INPP4B: variants seen among roughly 807,000 people sequenced by gnomAD.
INPP4B encodes the protein inositol polyphosphate-4-phosphatase type II B.
INPP4B carries 55 observed loss-of-function variants against 122.5 expected under a neutral mutation model. The observed-to-expected ratio is 0.45, with a 90% CI of 0.36 to 0.56. The LOEUF (loss-of-function observed/expected upper bound fraction) is 0.56, where lower values mean the gene tolerates loss of function less well. Ranked by LOEUF, INPP4B falls within the 20% of genes least tolerant of loss-of-function variation. The pLI, the probability that INPP4B is intolerant of heterozygous loss-of-function variation, is 0.00. For synonymous variants in INPP4B, 403 were observed against 388.7 expected (o/e 1.04, Z -0.43); for missense variants, 1,000 against 1,097.7 (o/e 0.91, Z 1.26).
intron 5 of INPP4B, among the ~76,000 whole-genome samples, chr4:142,413,983 G>A (rs1361862569): frequency 1.3e-5 from 2 of 152,084 alleles, no homozygotes; most frequent in African/African-American, 4.8e-5. Flanking sequence ...GAAAACAGAT[G>A]ACGGAGTTAT....
intron 8 of INPP4B, among the ~76,000 whole-genome samples, chr4:142,311,244 T>C (rs1765410098): frequency 1.3e-5 from 2 of 152,112 alleles, no homozygotes; most frequent in South Asian, 4.1e-4. Context: ...TGTGTTAACT[T>C]CTCTCTCCAA....
chr4:142,270,191 C>A (rs1386797395), intron 10 of INPP4B, among the ~76,000 whole-genome samples: 2 of 152,138 alleles, frequency 1.3e-5, no homozygotes, highest in Non-Finnish European at 2.9e-5. Flanking sequence ...CTTCTCTCTC[C>A]TCAATCTCAT....
At chr4:142,157,050 A>G (rs571722069) in intron 17 of INPP4B, among the ~76,000 whole-genome samples, 3 of 152,290 alleles carry the variant, frequency 2.0e-5, no homozygotes, top group Non-Finnish European at 4.4e-5. Context: ...AATTGAATTA[A>G]TTTAAAATGC....
At chr4:142,237,532 G>A (rs550407453) in intron 12 of INPP4B, among the ~76,000 whole-genome samples, 2 of 152,136 alleles carry the variant, frequency 1.3e-5, no homozygotes, top group African/African-American at 4.8e-5. Context: ...AAGACCTGGT[G>A]TGTATCTTAC....
chr4:142,095,171 GTT>G (rs1039319322), intron 23 of INPP4B, among the ~76,000 whole-genome samples: 34 of 152,114 alleles, frequency 2.2e-4, no homozygotes, highest in African/African-American at 8.0e-4. Flanking sequence ...TCTAAGGAGA[GTT>G]TCACTCTATC....
intron 3 of INPP4B, among the ~76,000 whole-genome samples, chr4:142,448,330 A>C (rs1048280868): frequency 4.8e-5 from 3 of 61,962 alleles, no homozygotes; most frequent in Non-Finnish European, 1.1e-4. Flanking sequence ...ATCCATCTCC[A>C]AAAAAAAAAA....
At chr4:142,401,601 C>A (rs1181951661) in intron 7 of INPP4B, among the ~76,000 whole-genome samples, 1 of 152,094 alleles carries the variant, frequency 6.6e-6, no homozygotes, top group African/African-American at 2.4e-5. Flanking sequence ...ACAATAACAG[C>A]AATAATAGCA....
intron 25 of INPP4B, among the ~76,000 whole-genome samples, chr4:142,076,223 T>G (rs1204013933): frequency 6.6e-6 from 1 of 152,012 alleles, no homozygotes; most frequent in East Asian, 1.9e-4. Flanking sequence ...TTGTCAGGCA[T>G]GAATATAAGA....
At chr4:142,189,827 C>T (rs1349857587) in intron 15 of INPP4B, among the ~76,000 whole-genome samples, 1 of 152,054 alleles carries the variant, frequency 6.6e-6, no homozygotes, top group East Asian at 1.9e-4. Flanking sequence ...GCTTTGAATG[C>T]CCAGTGGATA....
intron 20 of INPP4B, 25 bp downstream of exon 20, chr4:142,123,267 T>C: frequency 1.3e-6 from 2 of 1,524,898 alleles, no homozygotes; most frequent in Non-Finnish European, 1.8e-6. Flanking sequence ...AATGTGATTT[T>C]AACTTGTACT....
At chr4:142,187,558 A>G in intron 15 of INPP4B, among the ~76,000 whole-genome samples, 1 of 151,634 alleles carries the variant, frequency 6.6e-6, no homozygotes, top group East Asian at 1.9e-4. Context: ...ACATTTGCAT[A>G]CCATATATAT....
chr4:142,040,690 T>C (rs1405014515), intron 25 of INPP4B, among the ~76,000 whole-genome samples: 1 of 152,212 alleles, frequency 6.6e-6, no homozygotes, highest in Admixed American at 6.5e-5. Context: ...TAATTATGCT[T>C]TTCTCTGTAC....
chr4:142,714,832 T>A (rs1763558702), intron 2 of INPP4B, among the ~76,000 whole-genome samples: 1 of 152,170 alleles, frequency 6.6e-6, no homozygotes, highest in Non-Finnish European at 1.5e-5. Context: ...GGGCCCCAAA[T>A]ATTTGCAAAA....
intron 21 of INPP4B, among the ~76,000 whole-genome samples, chr4:142,118,052 A>G (rs1794614603): frequency 6.6e-6 from 1 of 152,186 alleles, no homozygotes; most frequent in Non-Finnish European, 1.5e-5. Flanking sequence ...AGTTGCTTCA[A>G]AGAGAATAAA....
intron 10 of INPP4B, among the ~76,000 whole-genome samples, chr4:142,265,084 A>G (rs1449510709): frequency 6.6e-6 from 1 of 152,172 alleles, no homozygotes; most frequent in African/African-American, 2.4e-5. Context: ...CAAGCCAAGT[A>G]AAAAGCCCTC....
chr4:142,653,188 G>T (rs1753387608), intron 2 of INPP4B, among the ~76,000 whole-genome samples: 1 of 152,106 alleles, frequency 6.6e-6, no homozygotes, highest in Non-Finnish European at 1.5e-5. Context: ...AGCTGAAACT[G>T]GATCCCTTCC....
intron 2 of INPP4B, among the ~76,000 whole-genome samples, chr4:142,662,164 G>T (rs1265135263): frequency 2.0e-5 from 3 of 152,066 alleles, no homozygotes; most frequent in Non-Finnish European, 4.4e-5. Context: ...GAACCTGGCA[G>T]GCGGAGCTTG....
At chr4:142,467,763 C>A (rs551500146) in intron 2 of INPP4B, among the ~76,000 whole-genome samples, 1 of 152,190 alleles carries the variant, frequency 6.6e-6, no homozygotes, top group South Asian at 2.1e-4. Flanking sequence ...CCCTTCAAAT[C>A]TCATTTTGAA....
intron 1 of INPP4B, among the ~76,000 whole-genome samples, chr4:142,811,764 A>G (rs1779544452): frequency 6.6e-6 from 1 of 152,174 alleles, no homozygotes; most frequent in Non-Finnish European, 1.5e-5. Flanking sequence ...AATATTTTGA[A>G]TATCATTTCT....
Sources: allele counts gnomAD v4.1 joint callset (sites outside exome capture counted in the v4.1 genomes callset), GRCh38; gene constraint gnomAD v4.1.1; transcripts MANE v1.5; gene names NCBI Gene and HGNC (gene_info 2026-07-23, HGNC 2026-07-21).